TENM4: variants seen among roughly 807,000 people sequenced by gnomAD.
TENM4 encodes teneurin-4.
A neutral mutation model predicts 243.3 loss-of-function variants in TENM4; 82 were observed. The observed-to-expected ratio is 0.34, with a 90% CI of 0.28 to 0.40. The LOEUF (loss-of-function observed/expected upper bound fraction) is 0.40. Among genes scored for constraint, TENM4 ranks in the 10% least tolerant of loss-of-function variants. TENM4 has a pLI of 1.00. For synonymous variants in TENM4, 1,412 were observed against 1,456.3 expected (o/e 0.97, Z 0.69); for missense variants, 3,138 against 3,673.3 (o/e 0.85, Z 3.77).
chr11:79,332,954 C>G (rs1456842266), intron 1 of TENM4, among the ~76,000 whole-genome samples: 1 of 152,124 alleles, frequency 6.6e-6, no homozygotes, highest in East Asian at 1.9e-4. Flanking sequence ...ACCCAATTCC[C>G]CTTCTACATG....
At chr11:79,372,100 A>G (rs995193742) in intron 1 of TENM4, among the ~76,000 whole-genome samples, 1 of 152,192 alleles carries the variant, frequency 6.6e-6, no homozygotes, top group African/African-American at 2.4e-5. Context: ...ATGAGCTTTT[A>G]GAAGGGTCAC....
At chr11:79,387,389 A>C (rs894633660) in intron 1 of TENM4, among the ~76,000 whole-genome samples, 10 of 152,182 alleles carry the variant, frequency 6.6e-5, no homozygotes, top group African/African-American at 2.2e-4. Flanking sequence ...TCTTTATGCT[A>C]TATTATGTCC....
chr11:79,215,622 A>G (rs1864037051), intron 3 of TENM4, among the ~76,000 whole-genome samples, 186 bp downstream of exon 3: 1 of 152,040 alleles, frequency 6.6e-6, no homozygotes, highest in Non-Finnish European at 1.5e-5. Flanking sequence ...TACCAGTCCT[A>G]CTGCATCTGT....
At chr11:79,203,873 G>A (rs1023032376) in intron 3 of TENM4, among the ~76,000 whole-genome samples, 3 of 152,208 alleles carry the variant, frequency 2.0e-5, no homozygotes, top group African/African-American at 4.8e-5. Flanking sequence ...TGTGGAAAGT[G>A]AAAGTGCTAT....
chr11:79,103,509 T>C (rs1861284824), intron 4 of TENM4, among the ~76,000 whole-genome samples: 1 of 152,092 alleles, frequency 6.6e-6, no homozygotes. Context: ...GCCCTTCCAC[T>C]TCCCAAGGTC....
chr11:79,232,120 C>CA (rs751290010), intron 2 of TENM4, among the ~76,000 whole-genome samples: 2 of 151,974 alleles, frequency 1.3e-5, no homozygotes, highest in East Asian at 1.9e-4. Flanking sequence ...ACAAAACAAA[C>CA]AAAAAAATAA....
intron 1 of TENM4, among the ~76,000 whole-genome samples, chr11:79,433,094 C>T (rs968397491): frequency 2.0e-5 from 3 of 152,148 alleles, no homozygotes; most frequent in African/African-American, 7.2e-5. Context: ...ATGGGCACAT[C>T]CCTTTATAGT....
At chr11:79,049,307 T>G (rs1859739477) in intron 6 of TENM4, among the ~76,000 whole-genome samples, 1 of 152,224 alleles carries the variant, frequency 6.6e-6, no homozygotes. Context: ...CATTTTTCTC[T>G]CCACTTTCAT....
At chr11:79,305,796 G>C (rs141012865) in intron 1 of TENM4, among the ~76,000 whole-genome samples, 2,052 of 152,316 alleles carry the variant, frequency 0.013, 42 homozygotes, top group African/African-American at 0.046. Context: ...AGCTGGGACA[G>C]AGCTGCAGAG....
At chr11:79,214,630 A>G (rs1478307588) in intron 3 of TENM4, among the ~76,000 whole-genome samples, 1 of 152,212 alleles carries the variant, frequency 6.6e-6, no homozygotes, top group Non-Finnish European at 1.5e-5. Flanking sequence ...AGGGGAAGTT[A>G]CTGCTCCTAA....
intron 6 of TENM4, among the ~76,000 whole-genome samples, chr11:79,024,828 G>A (rs1197964507): frequency 6.6e-6 from 1 of 152,230 alleles, no homozygotes; most frequent in Non-Finnish European, 1.5e-5. Flanking sequence ...AAGGAAATGA[G>A]GGCTCAGAGG....
chr11:79,095,361 C>T (rs1320186586), intron 4 of TENM4, among the ~76,000 whole-genome samples: 2 of 152,220 alleles, frequency 1.3e-5, no homozygotes, highest in Non-Finnish European at 2.9e-5. Context: ...CCTCCTTGCA[C>T]AGTACCCCAC....
chr11:78,722,027 C>G lies in TENM4; in HGVS notation c.3800+641G>C, dbSNP rs1855396734. On this transcript the variant is annotated intron_variant, in intron 24 of 33. Coordinates refer to ENST00000278550, the MANE Select transcript of TENM4 (RefSeq NM_001098816.3). ...GGGTCAGGATGGGGAAAGAGGCTGA[C>G]TCAGCTGCTTCTGCAGCACCTGAGG... Among the ~76,000 whole-genome samples, 3 of 152,144 alleles carry G rather than the reference C, an allele frequency of 2.0e-5. No homozygotes were observed. In the South Asian group the frequency reaches 6.2e-4, roughly 32 times the overall value.
At chr11:79,403,975 GCTT>G (rs1389882502) in intron 1 of TENM4, among the ~76,000 whole-genome samples, 1 of 152,198 alleles carries the variant, frequency 6.6e-6, no homozygotes, top group African/African-American at 2.4e-5. Flanking sequence ...TTTGAACCCA[GCTT>G]CAGTTCCTGG....
At chr11:79,232,642 T>C (rs993556933) in intron 2 of TENM4, among the ~76,000 whole-genome samples, 3 of 152,212 alleles carry the variant, frequency 2.0e-5, no homozygotes, top group East Asian at 1.9e-4. Flanking sequence ...GTCCAGTGAA[T>C]TGTGCTAATA....
chr11:79,012,247 C>T (rs1246481029), intron 6 of TENM4, among the ~76,000 whole-genome samples: 4 of 152,190 alleles, frequency 2.6e-5, no homozygotes, highest in Non-Finnish European at 5.9e-5. Context: ...GTGTATTTGG[C>T]TTTTCCCCGA....
chr11:78,800,332 G>A (rs1396297550), intron 15 of TENM4, among the ~76,000 whole-genome samples: 1 of 152,174 alleles, frequency 6.6e-6, no homozygotes, highest in African/African-American at 2.4e-5. Context: ...CTTGAAGGAG[G>A]TGAAATGATG....
rs959475649 is a variant in TENM4, at chr11:79,144,457, T to C, written c.-66+4253A>G. On this transcript the variant is annotated intron_variant, in intron 4 of 33. Coordinates refer to ENST00000278550, the MANE Select transcript of TENM4 (RefSeq NM_001098816.3). ...ATACCCCAAAGAAAGGAAATCAGTATATTGAAGAGATATCTGCACTTCCAT... is the reference window on the plus strand; with the variant it reads ...ATACCCCAAAGAAAGGAAATCAGTACATTGAAGAGATATCTGCACTTCCAT... 3.3e-5 allele frequency among the ~76,000 whole-genome samples: 5 copies of C among 152,202 alleles called. No individual in the cohort carries two copies. The East Asian group carries it at 7.7e-4, about 24-fold the overall frequency.
chr11:79,387,584 A>C (rs1353458590), intron 1 of TENM4, among the ~76,000 whole-genome samples: 1 of 152,176 alleles, frequency 6.6e-6, no homozygotes, highest in Non-Finnish European at 1.5e-5. Context: ...TTACATATGG[A>C]ACACACATAG....
Sources: gnomAD v4.1 joint callset for allele counts (sites outside exome capture counted in the v4.1 genomes callset) on GRCh38, gnomAD v4.1.1 for gene constraint, MANE v1.5 for transcripts, NCBI Gene and HGNC (gene_info 2026-07-23, HGNC 2026-07-21) for gene names.